The following AGL variants were observed in gnomAD, a reference collection of about 807,000 sequenced individuals.
AGL encodes the protein glycogen debranching enzyme.
AGL carries 128 observed loss-of-function variants against 199.3 expected under a neutral mutation model. The ratio of observed to expected loss-of-function variants is 0.64; its 90% CI spans 0.56 to 0.74. The LOEUF is 0.74. AGL is among the 30% of genes least tolerant of loss of function. The pLI, the probability that AGL is intolerant of heterozygous loss-of-function variation, is 0.00. For synonymous variants in AGL, 584 were observed against 594.7 expected (o/e 0.98, Z 0.26); for missense variants, 1,809 against 1,820.8 (o/e 0.99, Z 0.12).
rs78318902 is a variant in AGL, at chr1:99,887,939, A to T, written c.2682-39A>T. 1,222 of 1,610,220 alleles carry T rather than the reference A, an allele frequency of 7.6e-4. 3 individuals carry two copies. The African/African-American group carries it at 0.015, about 19-fold the overall frequency. The stretch of plus-strand genomic sequence containing the variant: ...TTTTGTTTCTATTGACAACAAGCGA[A>T]ACTTCAATATATGGTTATCTTTATT... On this transcript the variant is annotated intron_variant, in intron 20 of 33. Transcript: ENST00000361915.
rs115808722 is a variant in AGL, at chr1:99,915,037, G to A, written c.4162-352G>A. 4.5e-3 allele frequency among the ~76,000 whole-genome samples: 682 copies of A among 152,192 alleles called. 6 individuals carry two copies. Among genetic ancestry groups the A allele is most frequent in the African/African-American group, 0.016 (658 of 41,524 alleles). On this transcript the variant is annotated intron_variant, in intron 30 of 33. Transcript: ENST00000361915. ...TGAGGCTGCACTGAGCTCTGATCTC[G>A]CCACTGCACCCCAGCCTGGTGACAG...
rs1376641742 is a variant in AGL at position 99,877,726 on chromosome 1, T to G, written c.1509T>G (p.Pro503=). The part of the protein sequence containing the change: ...LRYGNKPEDC[P]YLWAHMKKYT... ...ATGGGAATAAACCAGAGGACTGTCC[T>G]TATCTCTGGGCACACATGAAAAAAT... Residue 503 remains proline (P), a synonymous_variant, in exon 12 of 34, where the codon CCT becomes CCG. Transcript: ENST00000361915. 2.5e-6 allele frequency: 4 copies of G among 1,613,926 alleles called. No homozygotes were observed. The highest frequency in any genetic ancestry group is 3.4e-6 in the Non-Finnish European group (4 of 1,179,846).
At chr1:99,858,254 A>C (rs577190462) in intron 2 of AGL, among the ~76,000 whole-genome samples, 2 of 152,378 alleles carry the variant, frequency 1.3e-5, no homozygotes, top group African/African-American at 4.8e-5. Flanking sequence ...CTTTTCAGAA[A>C]TAACAAGTAG....
Position 99,854,335 on chromosome 1 carries a change from A to G in AGL, c.82+3211A>G, listed in dbSNP as rs536199409. ...AAAGCTAACCTATTTGAAGAGGGAA[A>G]TTGAAGGATTTATGAAAAAAGAATG... On this transcript the variant is annotated intron_variant, in intron 2 of 33. Transcript: ENST00000361915. 1.4e-4 allele frequency among the ~76,000 whole-genome samples: 21 copies of G among 152,360 alleles called. No homozygotes were observed. The South Asian group carries it at 3.9e-3, about 29-fold the overall frequency.
In AGL at chr1:99,877,632, T is replaced by G; in HGVS notation, c.1424-9T>G. On this transcript the variant is annotated splice_polypyrimidine_tract_variant and intron_variant, in intron 11 of 33. Transcript: ENST00000361915. The stretch of plus-strand genomic sequence containing the variant: ...TTGAACCATTGAAAGCAATCTCTTT[T>G]CTGAACAGGTTCAGAAGTTTACCTA... 6.2e-7 allele frequency: 1 copy of G among 1,613,732 alleles called. No homozygotes were observed. The highest frequency in any genetic ancestry group is 8.5e-7 in the Non-Finnish European group (1 of 1,179,708).
chr1:99,881,871 A>G (rs1652062856), intron 17 of AGL, among the ~76,000 whole-genome samples, 180 bp downstream of exon 17: 1 of 152,108 alleles, frequency 6.6e-6, no homozygotes, highest in Admixed American at 6.5e-5. Flanking sequence ...GATGGCTCAC[A>G]CCAGTAATCC....
intron 4 of AGL, among the ~76,000 whole-genome samples, chr1:99,863,783 G>A (rs1650273772): frequency 8.1e-6 from 1 of 123,650 alleles, no homozygotes; most frequent in African/African-American, 3.1e-5. Flanking sequence ...CAGTGTCTCT[G>A]TCACCCAGAC....
Position 99,909,490 on chromosome 1 carries a change from G to A in AGL, c.3701-1222G>A, listed in dbSNP as rs28468683. Among the ~76,000 whole-genome samples, 584 of 152,154 alleles carry A rather than the reference G, an allele frequency of 3.8e-3. 6 individuals are homozygous for A. Among genetic ancestry groups the A allele is most frequent in the African/African-American group, 0.013 (554 of 41,524 alleles). The stretch of plus-strand genomic sequence containing the variant: ...TCCATGGTGTTTACTGGCACAGGGC[G>A]GATGTTGTCACAAAAGTTTCTGTCT... On this transcript the variant is annotated intron_variant, in intron 27 of 33. Transcript: ENST00000361915.
intron 13 of AGL, among the ~76,000 whole-genome samples, 165 bp from the exon 14 acceptor site, chr1:99,880,467 T>C (rs543846101): frequency 6.6e-6 from 1 of 152,352 alleles, no homozygotes; most frequent in African/African-American, 2.4e-5. Context: ...GGGAAAACTT[T>C]TTTGTCACTT....
Position 99,881,412 on chromosome 1 carries a change from C to T in AGL, c.2122C>T (p.Leu708Phe). The T allele has an allele frequency of 6.2e-7, 1 of 1,614,100 alleles. No individual in the cohort carries two copies. Among genetic ancestry groups the T allele is most frequent in the African/African-American group, 1.3e-5 (1 of 75,030 alleles). The change falls in exon 16 of 34, where the codon CTT becomes TTT. Residue 708 changes from leucine (L) to phenylalanine (F), a missense_variant. Physicochemically the swap from Leu to Phe is conservative, Grantham distance 22. Coordinates refer to ENST00000361915, the MANE Select transcript of AGL (RefSeq NM_000642.3). ...TGCAGCCAGGTGTGCTATCAGTAAA[C>T]TTCATCAGGAGCTTGGAGCCAAGGG... The part of the protein sequence containing the change: ...IIAARCAISK[L>F]HQELGAKGFI...
Position 99,900,673 on chromosome 1 carries a change from G to A in AGL, c.3400G>A (p.Gly1134Ser), listed in dbSNP as rs146615251. The A allele has an allele frequency of 1.9e-5, 30 of 1,613,950 alleles. No individual in the cohort carries two copies. Among genetic ancestry groups the A allele is most frequent in the Middle Eastern group, 1.6e-4 (1 of 6,084 alleles). The change falls in exon 26 of 34, where the codon GGT (glycine) becomes AGT (serine). Residue 1134 changes from glycine to serine, a missense_variant. Coordinates refer to ENST00000361915, the MANE Select transcript of AGL (RefSeq NM_000642.3). Reference protein sequence around the residue: ...ILAFAGTLRHGLIPNLLGEGI... With the variant: ...ILAFAGTLRHSLIPNLLGEGI... Reference sequence around the variant, plus strand: ...AGCATTTGCGGGTACCCTGAGGCATGGTCTCATTCCTAATCTACTGGGTGA... The same window carrying A: ...AGCATTTGCGGGTACCCTGAGGCATAGTCTCATTCCTAATCTACTGGGTGA...
chr1:99,851,510 G>A (rs568740250), intron 2 of AGL, among the ~76,000 whole-genome samples: 5 of 152,246 alleles, frequency 3.3e-5, no homozygotes, highest in Admixed American at 3.3e-4. Flanking sequence ...TTGTATAACT[G>A]TCTCTTTTCC....
At chr1:99,910,965 T>TGCCTTCTTCCCTTCATCTCCCC (rs1654715002) in intron 28 of AGL, 118 bp downstream of exon 28, 1 of 1,114,576 alleles carries the variant, frequency 9.0e-7, no homozygotes, top group Non-Finnish European at 1.3e-6. Flanking sequence ...AAAATTTCCC[T>TGCCTTCTTCCCTTCATCTCCCC]GCCTTCTTCC....
Position 99,898,196 on chromosome 1 carries a change from G to A in AGL, c.3362+1808G>A, listed in dbSNP as rs556356338. Among the ~76,000 whole-genome samples the A allele has an allele frequency of 3.3e-3, 505 of 152,032 alleles. 3 individuals carry two copies. The highest frequency in any genetic ancestry group is 0.011 in the African/African-American group (466 of 41,484). On this transcript the variant is annotated intron_variant, in intron 25 of 33. Coordinates refer to ENST00000361915, the MANE Select transcript of AGL (RefSeq NM_000642.3). ...TGAGTAGCTGGGACTACAGGCGCCC[G>A]CCACCACACCCGGCTAATTTTTTGT...
At chr1:99,852,594 T>G in intron 2 of AGL, 1 of 713,400 alleles carries the variant, frequency 1.4e-6, no homozygotes, top group Non-Finnish European at 2.6e-6. Context: ...CAGGTTGATA[T>G]TGAACTCCTG....
intron 25 of AGL, among the ~76,000 whole-genome samples, chr1:99,898,020 A>G (rs1267831954): frequency 6.6e-6 from 1 of 151,392 alleles, no homozygotes; most frequent in Non-Finnish European, 1.5e-5. Flanking sequence ...CCTGTTTTGT[A>G]TGGCCTATGA....
intron 28 of AGL, 139 bp from the exon 29 acceptor site, chr1:99,912,266 C>T (rs1353178242): frequency 4.4e-6 from 3 of 680,686 alleles, no homozygotes; most frequent in Non-Finnish European, 7.4e-6. Context: ...TGATATAGTA[C>T]ACATTCCTAT....
At chr1:99,874,629 CAGTTATA>C in intron 7 of AGL, 51 bp from the exon 8 acceptor site, 1 of 1,504,086 alleles carries the variant, frequency 6.6e-7, no homozygotes, top group Non-Finnish European at 9.1e-7. Context: ...AAAATAGTGA[CAGTTATA>C]ATCTCTTTGT....
Position 99,877,658 on chromosome 1 carries a change from A to G in AGL, c.1441A>G (p.Arg481Gly). The part of the protein sequence containing the change: ...FAEPGSEVYL[R>G]RELICWGDSV... ...CTGAACAGGTTCAGAAGTTTACCTA[A>G]GGAGAGAACTTATTTGCTGGGGAGA... The change falls in exon 12 of 34, where the codon AGG (arginine) becomes GGG (glycine). Residue 481 changes from arginine to glycine, a missense_variant. Arg to Gly is a moderately radical substitution (Grantham distance 125). Coordinates refer to ENST00000361915, the MANE Select transcript of AGL (RefSeq NM_000642.3). 1.2e-6 allele frequency: 2 copies of G among 1,614,042 alleles called. No homozygotes were observed. Among genetic ancestry groups the G allele is most frequent in the Non-Finnish European group, 1.7e-6 (2 of 1,179,958 alleles).
Sources: allele counts gnomAD v4.1 joint callset (sites outside exome capture counted in the v4.1 genomes callset), GRCh38; gene constraint gnomAD v4.1.1; transcripts MANE v1.5; gene names NCBI Gene and HGNC (gene_info 2026-07-23, HGNC 2026-07-21).